The following TRPM7 variants were observed in gnomAD, a reference collection of about 807,000 sequenced individuals.
TRPM7 encodes the protein LTRPC ion channel family member 7.
TRPM7 carries 134 observed loss-of-function variants against 229.7 expected under a neutral mutation model. The observed-to-expected ratio is 0.58, with a 90% CI of 0.51 to 0.67. TRPM7 has a LOEUF of 0.67. TRPM7 is among the 30% of genes least tolerant of loss of function. TRPM7 has a pLI of 0.00. For synonymous variants in TRPM7, 699 were observed against 715.2 expected (o/e 0.98, Z 0.36); for missense variants, 1,901 against 2,210.0 (o/e 0.86, Z 2.80).
intron 3 of TRPM7, among the ~76,000 whole-genome samples, chr15:50,653,563 T>C (rs2061479839): frequency 1.3e-5 from 2 of 152,088 alleles, no homozygotes; most frequent in South Asian, 4.1e-4. Context: ...ATCCTTGAAA[T>C]GAGGGAAACA....
chr15:50,647,688 G>A (rs1391495817), intron 4 of TRPM7, among the ~76,000 whole-genome samples: 1 of 152,076 alleles, frequency 6.6e-6, no homozygotes, highest in East Asian at 1.9e-4. Context: ...GGAGGTTGCA[G>A]TGAGCCGAGA....
intron 22 of TRPM7, among the ~76,000 whole-genome samples, chr15:50,597,572 C>G (rs2059666011): frequency 6.6e-6 from 1 of 152,134 alleles, no homozygotes; most frequent in Admixed American, 6.6e-5. Flanking sequence ...AAAAACTATA[C>G]TCAATGCTTT....
chr15:50,634,512 C>A lies in TRPM7; in HGVS notation c.877G>T (p.Gly293Trp). The change falls in exon 8 of 39, where the codon GGG becomes TGG. Residue 293 changes from glycine to tryptophan, a missense_variant. By Grantham distance (184) the Gly-to-Trp change is radical. Around this residue, in one of 8 missense-constraint regions of TRPM7, gnomAD observed 794 missense variants for 881.9 expected, o/e 0.90. Coordinates refer to ENST00000646667, the MANE Select transcript of TRPM7 (RefSeq NM_017672.6). ...VPVVALIFEG[G>W]PNVILTVLEY... The stretch of plus-strand genomic sequence containing the variant: ...AGAACTGTGAGGATAACATTTGGCC[C>A]ACCCTCAAATATAAGTGCCACCACA... 1 of 1,552,036 alleles carries A rather than the reference C, an allele frequency of 6.4e-7. No individual in the cohort carries two copies. Among genetic ancestry groups the A allele is most frequent in the South Asian group, 1.2e-5 (1 of 80,230 alleles).
chr15:50,655,239 C>T lies in TRPM7; in HGVS notation c.122+2542G>A, dbSNP rs967316303. Among the ~76,000 whole-genome samples the T allele has an allele frequency of 7.3e-5, 11 of 151,450 alleles. No homozygotes were observed. In the East Asian group the frequency reaches 1.6e-3, roughly 21 times the overall value. ...TCACGAGGTCAGGAGTTCAAGACCA[C>T]CCTGACCATCAAGGTAAAATCCCAT... On this transcript the variant is annotated intron_variant, in intron 3 of 38. Transcript: ENST00000646667.
intron 38 of TRPM7, among the ~76,000 whole-genome samples, chr15:50,564,391 TATG>T (rs1157608112): frequency 6.6e-6 from 1 of 151,912 alleles, no homozygotes; most frequent in African/African-American, 2.4e-5. Flanking sequence ...ACAGATTTGC[TATG>T]ATAAGTACAT....
Position 50,583,552 on chromosome 15 carries a change from T to A in TRPM7, c.4487-393A>T, listed in dbSNP as rs151051112. ...AAACATATATGTCTGGAGGGTTTTGTTATTTTAAACTTTAAGCTTAGAGTT... is the reference window on the plus strand; with the variant it reads ...AAACATATATGTCTGGAGGGTTTTGATATTTTAAACTTTAAGCTTAGAGTT... On this transcript the variant is annotated intron_variant, in intron 28 of 38. Transcript: ENST00000646667. 7.4e-3 allele frequency among the ~76,000 whole-genome samples: 1,116 copies of A among 151,400 alleles called. 15 individuals are homozygous for A. Among genetic ancestry groups the A allele is most frequent in the African/African-American group, 0.026 (1,054 of 41,190 alleles).
intron 3 of TRPM7, among the ~76,000 whole-genome samples, chr15:50,651,291 A>G (rs1383920709): frequency 3.9e-5 from 6 of 152,212 alleles, no homozygotes; most frequent in Admixed American, 3.3e-4. Context: ...AAAGAACGAG[A>G]TGATGGAATT....
intron 10 of TRPM7, among the ~76,000 whole-genome samples, chr15:50,628,558 G>T (rs146783382): frequency 6.6e-6 from 1 of 151,958 alleles, no homozygotes. Flanking sequence ...CTGCCACTTC[G>T]GCCTCCCAGT....
chr15:50,607,068 A>T, intron 20 of TRPM7, 132 bp downstream of exon 20: 1 of 701,018 alleles, frequency 1.4e-6, no homozygotes, highest in Non-Finnish European at 2.2e-6. Context: ...CAGCAAAATT[A>T]CACAGGTTCT....
At chr15:50,663,172 A>G in intron 1 of TRPM7, 126 bp from the exon 2 acceptor site, 1 of 683,850 alleles carries the variant, frequency 1.5e-6, no homozygotes, top group South Asian at 1.8e-5. Flanking sequence ...CTTGTTGCCC[A>G]GACTGGAGAG....
At chr15:50,669,854 C>T (rs922502231) in intron 1 of TRPM7, among the ~76,000 whole-genome samples, 13 of 152,062 alleles carry the variant, frequency 8.5e-5, no homozygotes, top group Admixed American at 2.0e-4. Context: ...ATACAATCAG[C>T]GATCCCTTAT....
At chr15:50,575,204 A>G (rs1248166003) in intron 33 of TRPM7, 69 bp from the exon 34 acceptor site, 3 of 1,363,706 alleles carry the variant, frequency 2.2e-6, no homozygotes, top group Non-Finnish European at 2.0e-6. Flanking sequence ...TAAAATAAAA[A>G]TTAGCAGGCA....
At chr15:50,566,611 GTT>G (rs2053609174) in intron 38 of TRPM7, among the ~76,000 whole-genome samples, 1 of 152,120 alleles carries the variant, frequency 6.6e-6, no homozygotes, top group Non-Finnish European at 1.5e-5. Context: ...CAGGAGAATC[GTT>G]TGAACCTGGG....
intron 3 of TRPM7, among the ~76,000 whole-genome samples, chr15:50,649,375 A>C (rs992783546): frequency 3.3e-5 from 5 of 151,772 alleles, no homozygotes; most frequent in South Asian, 2.1e-4. Context: ...TCAGGGCTGC[A>C]GTTAGCCTTG....
chr15:50,571,541 A>C (rs2053885880), intron 36 of TRPM7, among the ~76,000 whole-genome samples: 1 of 151,986 alleles, frequency 6.6e-6, no homozygotes, highest in Admixed American at 6.6e-5. Context: ...AACTCTAGAA[A>C]ATGCCTATGA....
At chr15:50,662,667 G>C (rs376088326) in intron 2 of TRPM7, among the ~76,000 whole-genome samples, 1 of 152,084 alleles carries the variant, frequency 6.6e-6, no homozygotes, top group Non-Finnish European at 1.5e-5. Context: ...AAAAATAAGA[G>C]AGTCTTAACT....
At chr15:50,674,675 G>C (rs1292131016) in intron 1 of TRPM7, among the ~76,000 whole-genome samples, 2 of 152,004 alleles carry the variant, frequency 1.3e-5, no homozygotes, top group African/African-American at 4.8e-5. Context: ...TAGCAACCTT[G>C]TCTTTCAGCT....
chr15:50,680,663 G>C (rs1293133301), intron 1 of TRPM7, among the ~76,000 whole-genome samples: 2 of 151,658 alleles, frequency 1.3e-5, no homozygotes, highest in African/African-American at 4.8e-5. Context: ...AATTCTATTA[G>C]GTTTCATTAT....
At chr15:50,674,268 C>T (rs540477196) in intron 1 of TRPM7, among the ~76,000 whole-genome samples, 477 of 152,002 alleles carry the variant, frequency 3.1e-3, no homozygotes, top group African/African-American at 0.011. Context: ...GGATTACAGG[C>T]GTGAGCCACC....
Sources: allele counts gnomAD v4.1 joint callset (sites outside exome capture counted in the v4.1 genomes callset), GRCh38; gene constraint gnomAD v4.1.1; regional missense constraint gnomAD v4.1.1; transcripts MANE v1.5; gene names NCBI Gene and HGNC (gene_info 2026-07-23, HGNC 2026-07-21).